The following INAVA variants were observed in gnomAD, a reference collection of about 807,000 sequenced individuals.
INAVA encodes the protein innate immunity activator protein.
A neutral mutation model predicts 55.3 loss-of-function variants in INAVA; 32 were observed. The ratio of observed to expected loss-of-function variants is 0.58; its 90% CI spans 0.44 to 0.78. INAVA has a LOEUF of 0.78. Among genes scored for constraint, INAVA ranks in the 30% least tolerant of loss-of-function variants. The pLI, the probability that INAVA is intolerant of heterozygous loss-of-function variation, is 0.00. For missense variants in INAVA, 756 were observed against 786.4 expected, an observed-to-expected ratio of 0.96 and a Z score of 0.46; for synonymous variants, 294 against 329.4, an observed-to-expected ratio of 0.89 and a Z score of 1.16.
At chr1:200,908,706 A>T (rs1653591594) in intron 6 of INAVA, 24 bp from the exon 7 acceptor site, 2 of 1,524,268 alleles carry the variant, frequency 1.3e-6, no homozygotes, top group Non-Finnish European at 1.8e-6. Context: ...CTCTGGCCTT[A>T]CCAGGTTTCT....
chr1:200,911,561 C>A lies in INAVA; in HGVS notation c.1068C>A (p.Thr356=). 1 of 1,613,710 alleles carries A rather than the reference C, an allele frequency of 6.2e-7. No individual in the cohort carries two copies. Among genetic ancestry groups the A allele is most frequent in the Non-Finnish European group, 8.5e-7 (1 of 1,179,894 alleles). ...TGCCAGATTCCTGCTTTCCCGCGAC[C>A]AAGCCCCCGCTGCCCCACGCCGCCT... ...VTVPDSCFPA[T]KPPLPHAACH... Residue 356 remains threonine (T), a synonymous_variant, in exon 9 of 10, where the codon ACC becomes ACA. Coordinates refer to ENST00000413687, the MANE Select transcript of INAVA (RefSeq NM_001142569.3).
At chr1:200,911,094 C>T (rs1699295) in intron 8 of INAVA, among the ~76,000 whole-genome samples, 1 of 16,124 alleles carries the variant, frequency 6.2e-5, no homozygotes, top group Non-Finnish European at 1.6e-4. Context: ...AAAAAAAGTA[C>T]TTAATGTAGT....
At chr1:200,893,444 G>A (rs1225449619), upstream of INAVA, among the ~76,000 whole-genome samples, 2 of 152,222 alleles carry the variant, frequency 1.3e-5, no homozygotes, top group African/African-American at 2.4e-5. Context: ...CAAGGTGGAG[G>A]AAGGGCCGCT....
chr1:200,905,907 T>A (rs934007893), intron 5 of INAVA, among the ~76,000 whole-genome samples: 1 of 149,828 alleles, frequency 6.7e-6, no homozygotes, highest in Admixed American at 6.6e-5. Flanking sequence ...TAAAGGGTTG[T>A]GGTTAAGAGC....
chr1:200,898,464 T>C lies in INAVA; in HGVS notation c.55+9T>C, dbSNP rs757314890. The C allele has an allele frequency of 4.3e-6, 7 of 1,613,374 alleles. No homozygotes were observed. The highest frequency in any genetic ancestry group is 5.1e-6 in the Non-Finnish European group (6 of 1,179,680). On this transcript the variant is annotated intron_variant, in intron 2 of 9. Coordinates refer to ENST00000413687, the MANE Select transcript of INAVA (RefSeq NM_001142569.3). ...CATCATCCTGCAGTCTGGTGAGTGTTCAGGGAAATCCCCCTGCCCTAGTCC... is the reference window on the plus strand; with the variant it reads ...CATCATCCTGCAGTCTGGTGAGTGTCCAGGGAAATCCCCCTGCCCTAGTCC...
At position 200,898,343 on chromosome 1, in the gene INAVA, A is replaced by C; in HGVS notation, c.-58A>C. ...CCAGGCTACCTACACAACCTGGCCC[A>C]GGCTGGTCACGGTGTCCCCCCTCCC... On this transcript the variant is annotated 5_prime_UTR_variant, in exon 2 of 10. Transcript: ENST00000413687. 1 of 1,613,898 alleles carries C rather than the reference A, an allele frequency of 6.2e-7. No homozygotes were observed. The highest frequency in any genetic ancestry group is 8.5e-7 in the Non-Finnish European group (1 of 1,179,964).
intron 5 of INAVA, among the ~76,000 whole-genome samples, chr1:200,906,817 T>A (rs1402492726): frequency 6.6e-6 from 1 of 152,152 alleles, no homozygotes; most frequent in Non-Finnish European, 1.5e-5. Context: ...ATACAAAAGT[T>A]AGAGTGAAAT....
rs1653646286 is a variant in INAVA, at chr1:200,909,894, CTTATG to C, written c.959+504_959+508del. 4.6e-5 allele frequency among the ~76,000 whole-genome samples: 7 copies of C among 152,256 alleles called. No individual in the cohort carries two copies. In the South Asian group the frequency reaches 1.0e-3, roughly 23 times the overall value. ...TTGCATCAACTGATTAATATATAAC[CTTATG>C]TTATGTGAGTTTCTGCTTAAGGACA... On this transcript the variant is annotated intron_variant, in intron 8 of 9. Coordinates refer to ENST00000413687, the MANE Select transcript of INAVA (RefSeq NM_001142569.3).
upstream of INAVA, chr1:200,894,870 T>C: frequency 7.1e-6 from 7 of 985,514 alleles, no homozygotes; most frequent in Non-Finnish European, 8.4e-6. Flanking sequence ...CTGACTCAAG[T>C]CATAACAAGT....
In INAVA at chr1:200,911,574, C is replaced by T. The variant is rs61740234; in HGVS notation, c.1081C>T (p.Pro361Ser). 33,416 of 1,613,582 alleles carry T rather than the reference C, an allele frequency of 0.021. 1,232 individuals are homozygous for T. The highest frequency in any genetic ancestry group is 0.12 in the East Asian group (5,280 of 44,856). Residue 361 changes from proline (P) to serine (S), a missense_variant, in exon 9 of 10, where the codon CCC becomes TCC. Physicochemically the swap from Pro to Ser is moderately conservative, Grantham distance 74. This residue lies in a region of INAVA where 639 missense variants were observed against 624.3 expected (regional missense o/e 1.02). Coordinates refer to ENST00000413687, the MANE Select transcript of INAVA (RefSeq NM_001142569.3). ...SCFPATKPPL[P>S]HAACHSCSED... ...CTTTCCCGCGACCAAGCCCCCGCTG[C>T]CCCACGCCGCCTGCCACTCCTGCTC... is the stretch of plus-strand genomic sequence containing the variant.
At chr1:200,912,158 C>G (rs1371311658) in intron 9 of INAVA, 21 bp downstream of exon 9, 8 of 1,533,692 alleles carry the variant, frequency 5.2e-6, no homozygotes, top group Middle Eastern at 1.7e-4. Flanking sequence ...TCTGGAGGGA[C>G]CCCGGGGCCA....
At chr1:200,894,124 G>A (rs922368662), upstream of INAVA, among the ~76,000 whole-genome samples, 5 of 152,104 alleles carry the variant, frequency 3.3e-5, no homozygotes, top group Non-Finnish European at 7.4e-5. Flanking sequence ...ATTTTTTATA[G>A]GAAATAAGTT....
chr1:200,903,552 C>T (rs1271903465), intron 5 of INAVA, among the ~76,000 whole-genome samples: 1 of 151,830 alleles, frequency 6.6e-6, no homozygotes, highest in African/African-American at 2.4e-5. Flanking sequence ...CACCTGTAAT[C>T]CCAGCACTTT....
intron 5 of INAVA, among the ~76,000 whole-genome samples, chr1:200,902,781 C>T (rs372353765): frequency 5.9e-5 from 9 of 152,238 alleles, no homozygotes; most frequent in African/African-American, 1.7e-4. Context: ...CCCTGCCCAC[C>T]GGGGCTGCCA....
At chr1:200,894,573 G>T (rs1240431565), upstream of INAVA, among the ~76,000 whole-genome samples, 3 of 152,128 alleles carry the variant, frequency 2.0e-5, no homozygotes, top group Admixed American at 2.0e-4. Context: ...TGCTTAACAG[G>T]CCTCAATTTC....
At chr1:200,894,607 G>A, upstream of INAVA, among the ~76,000 whole-genome samples, 1 of 152,182 alleles carries the variant, frequency 6.6e-6, no homozygotes, top group East Asian at 1.9e-4. Context: ...TGAGGTCAAA[G>A]GAAGGCAGGG....
chr1:200,901,274 T>A, intron 5 of INAVA, 115 bp downstream of exon 5: 1 of 1,062,226 alleles, frequency 9.4e-7, no homozygotes, highest in Non-Finnish European at 1.3e-6. Context: ...TAAAGCTGAT[T>A]CTTGGGTTCA....
Position 200,898,381 on chromosome 1 carries a change from T to C in INAVA, c.-20T>C, listed in dbSNP as rs1248998920. ...TGTCCCCCCTCCCTGCTCTGTGCCCTCTCCTTCCAGAAATCCACCATGGAG... is the reference window on the plus strand; with the variant it reads ...TGTCCCCCCTCCCTGCTCTGTGCCCCCTCCTTCCAGAAATCCACCATGGAG... On this transcript the variant is annotated 5_prime_UTR_variant, in exon 2 of 10. Transcript: ENST00000413687. 1.2e-6 allele frequency: 2 copies of C among 1,614,128 alleles called. No homozygotes were observed. Among genetic ancestry groups the C allele is most frequent in the Admixed American group, 3.3e-5 (2 of 60,020 alleles).
chr1:200,900,129 A>T lies in INAVA; in HGVS notation c.206A>T (p.Glu69Val). The change falls in exon 4 of 10, where the codon GAG becomes GTG. Residue 69 changes from glutamate (E) to valine (V), a missense_variant. Transcript: ENST00000413687. ...GAGCTGACGGGCACCTTGCCAGCGGAGTATCCCCTCAAACCAGGGGAAAAG... is the reference window on the plus strand; with the variant it reads ...GAGCTGACGGGCACCTTGCCAGCGGTGTATCCCCTCAAACCAGGGGAAAAG... The part of the protein sequence containing the change: ...EAELTGTLPA[E>V]YPLKPGEKAP... The T allele has an allele frequency of 1.2e-6, 2 of 1,613,776 alleles. No individual in the cohort carries two copies. Among genetic ancestry groups the T allele is most frequent in the South Asian group, 2.2e-5 (2 of 91,004 alleles).
Sources: allele counts gnomAD v4.1 joint callset (sites outside exome capture counted in the v4.1 genomes callset), GRCh38; gene constraint gnomAD v4.1.1; regional missense constraint gnomAD v4.1.1; transcripts MANE v1.5; gene names NCBI Gene and HGNC (gene_info 2026-07-23, HGNC 2026-07-21).